CTNNA3: variants seen among roughly 807,000 people sequenced by gnomAD.
The protein encoded by CTNNA3 is catenin alpha-3.
In CTNNA3, 76 loss-of-function variants were observed where a neutral mutation model predicts 95.7. That is an observed-to-expected ratio of 0.79 (90% CI 0.66 to 0.96). CTNNA3 has a LOEUF of 0.96. Ranked by LOEUF, CTNNA3 falls within the 40% of genes least tolerant of loss-of-function variation. The pLI is 0.00. For synonymous variants in CTNNA3, 431 were observed against 374.4 expected (o/e 1.15, Z -1.74); for missense variants, 1,191 against 1,089.8 (o/e 1.09, Z -1.31).
chr10:67,737,275 G>A (rs1424621384), intron 1 of CTNNA3, among the ~76,000 whole-genome samples: 2 of 151,888 alleles, frequency 1.3e-5, no homozygotes, highest in African/African-American at 2.4e-5. Context: ...AATTAAGAAA[G>A]AAATTTTAAA....
chr10:66,492,649 T>C (rs1839964041), intron 11 of CTNNA3, among the ~76,000 whole-genome samples: 1 of 152,188 alleles, frequency 6.6e-6, no homozygotes. Flanking sequence ...TCCAGCACCA[T>C]TGTTATTCCC....
intron 9 of CTNNA3, among the ~76,000 whole-genome samples, chr10:66,724,714 A>T (rs1486917690): frequency 6.6e-6 from 1 of 152,166 alleles, no homozygotes; most frequent in Non-Finnish European, 1.5e-5. Context: ...TTGGAAAGAG[A>T]AGTTAAAATT....
intron 7 of CTNNA3, among the ~76,000 whole-genome samples, chr10:66,964,412 G>A (rs1849290657): frequency 6.6e-6 from 1 of 151,632 alleles, no homozygotes; most frequent in African/African-American, 2.4e-5. Flanking sequence ...TTTTTAAACT[G>A]GCACAAAAGT....
At chr10:66,966,486 T>TA (rs201431762) in intron 7 of CTNNA3, among the ~76,000 whole-genome samples, 883 of 19,978 alleles carry the variant, frequency 0.044, 9 homozygotes, top group Non-Finnish European at 0.15. Flanking sequence ...ATGTAATATA[T>TA]TTTTTTTTTC....
intron 9 of CTNNA3, among the ~76,000 whole-genome samples, chr10:66,696,256 C>T (rs1415828115): frequency 1.3e-5 from 2 of 152,110 alleles, no homozygotes; most frequent in Non-Finnish European, 2.9e-5. Context: ...ATCAGTGTTT[C>T]AGAAACTGGT....
At chr10:66,903,762 T>G (rs1589401283) in intron 7 of CTNNA3, among the ~76,000 whole-genome samples, 1 of 152,042 alleles carries the variant, frequency 6.6e-6, no homozygotes, top group African/African-American at 2.4e-5. Context: ...AAATCATGAG[T>G]GAACTCTCAT....
chr10:66,314,989 T>G (rs1014344779), intron 12 of CTNNA3, among the ~76,000 whole-genome samples: 7 of 152,072 alleles, frequency 4.6e-5, no homozygotes, highest in African/African-American at 1.7e-4. Flanking sequence ...TGGGTTACTT[T>G]TTCACTTTTT....
intron 7 of CTNNA3, among the ~76,000 whole-genome samples, chr10:67,133,184 G>A (rs867051888): frequency 2.0e-5 from 3 of 150,702 alleles, no homozygotes; most frequent in East Asian, 1.9e-4. Context: ...TATGTACTCC[G>A]TAAATAGGTG....
intron 7 of CTNNA3, among the ~76,000 whole-genome samples, chr10:66,796,399 C>A (rs1228256431): frequency 6.6e-6 from 1 of 152,016 alleles, no homozygotes; most frequent in African/African-American, 2.4e-5. Flanking sequence ...ACACCCTTAT[C>A]AATTAATTTA....
At chr10:67,146,856 T>G (rs577608119) in intron 7 of CTNNA3, among the ~76,000 whole-genome samples, 2 of 152,340 alleles carry the variant, frequency 1.3e-5, no homozygotes, top group Admixed American at 1.3e-4. Flanking sequence ...ACATTTTTAC[T>G]GGGCCTATAT....
chr10:66,737,895 G>A (rs1849200268), intron 9 of CTNNA3, among the ~76,000 whole-genome samples: 1 of 152,088 alleles, frequency 6.6e-6, no homozygotes, highest in South Asian at 2.1e-4. Context: ...GTGACCTTGT[G>A]ATCTGCCCGC....
chr10:67,583,648 G>A (rs1323168369), intron 3 of CTNNA3, among the ~76,000 whole-genome samples: 3 of 152,188 alleles, frequency 2.0e-5, no homozygotes, highest in East Asian at 1.9e-4. Flanking sequence ...ATATCCTGAG[G>A]AGTGTTTTCC....
At chr10:66,023,855 C>T (rs1294417387) in intron 15 of CTNNA3, among the ~76,000 whole-genome samples, 1 of 151,984 alleles carries the variant, frequency 6.6e-6, no homozygotes, top group Non-Finnish European at 1.5e-5. Context: ...CCCCAAGTCT[C>T]CTTTTAGAAA....
At chr10:66,676,931 G>A (rs1487821207) in intron 9 of CTNNA3, among the ~76,000 whole-genome samples, 2 of 152,116 alleles carry the variant, frequency 1.3e-5, no homozygotes, top group Admixed American at 6.6e-5. Flanking sequence ...AAGTCTCATG[G>A]CACAGTCTAG....
intron 1 of CTNNA3, among the ~76,000 whole-genome samples, chr10:67,692,728 A>C (rs1840890911): frequency 8.2e-6 from 1 of 122,642 alleles, no homozygotes; most frequent in Non-Finnish European, 1.6e-5. Context: ...ACACCCAAGA[A>C]TGATCAATAA....
intron 12 of CTNNA3, among the ~76,000 whole-genome samples, chr10:66,291,078 A>G (rs2091673232): frequency 6.6e-6 from 1 of 152,138 alleles, no homozygotes; most frequent in South Asian, 2.1e-4. Context: ...CTGATCACTT[A>G]CTAAGTACCA....
intron 6 of CTNNA3, among the ~76,000 whole-genome samples, chr10:67,215,934 C>T (rs1864338632): frequency 6.6e-6 from 1 of 152,100 alleles, no homozygotes; most frequent in African/African-American, 2.4e-5. Context: ...GGATTTTGTG[C>T]TTTTTGTATC....
intron 11 of CTNNA3, among the ~76,000 whole-genome samples, chr10:66,428,067 G>A (rs1195671353): frequency 6.6e-6 from 1 of 151,906 alleles, no homozygotes; most frequent in Non-Finnish European, 1.5e-5. Flanking sequence ...GATCTATCAA[G>A]CAAATGGAGA....
chr10:67,554,880 C>G (rs893614930), intron 3 of CTNNA3, among the ~76,000 whole-genome samples: 2 of 151,956 alleles, frequency 1.3e-5, no homozygotes, highest in East Asian at 3.9e-4. Flanking sequence ...GGGTTTTTAT[C>G]GTTTTAGGTC....
Sources: gnomAD v4.1 joint callset for allele counts (sites outside exome capture counted in the v4.1 genomes callset) on GRCh38, gnomAD v4.1.1 for gene constraint, MANE v1.5 for transcripts, NCBI Gene and HGNC (gene_info 2026-07-23, HGNC 2026-07-21) for gene names.